The following HERC2 variants were observed in gnomAD, a reference collection of about 807,000 sequenced individuals.
The protein encoded by HERC2 is HECT and RLD domain containing E3 ubiquitin protein ligase 2.
HERC2 carries 102 observed loss-of-function variants against 537.7 expected under a neutral mutation model. That is an observed-to-expected ratio of 0.19 (90% CI 0.16 to 0.22). The LOEUF (loss-of-function observed/expected upper bound fraction) is 0.22. HERC2 is among the 10% of genes least tolerant of loss of function. HERC2 has a pLI of 1.00. For missense variants in HERC2, 4,236 were observed against 6,198.2 expected, an observed-to-expected ratio of 0.68 and a Z score of 10.63; for synonymous variants, 2,224 against 2,466.2, an observed-to-expected ratio of 0.90 and a Z score of 2.91.
intron 3 of HERC2, among the ~76,000 whole-genome samples, chr15:28,295,522 C>G (rs1269741100): frequency 6.6e-6 from 1 of 152,140 alleles, no homozygotes; most frequent in South Asian, 2.1e-4. Flanking sequence ...GCCTCAGCCC[C>G]CAAGGAGCTG....
Position 28,135,512 on chromosome 15 carries a change from C to T in HERC2, c.12196G>A (p.Ala4066Thr), listed in dbSNP as rs1358197303. Residue 4066 changes from alanine to threonine, a missense_variant, in exon 79 of 93, where the codon GCA becomes ACA. Physicochemically the swap from Ala to Thr is moderately conservative, Grantham distance 58 (BLOSUM62 0). This residue lies in a region of HERC2 where 1 missense variants were observed against 16.4 expected (regional missense o/e 0.06). Transcript: ENST00000261609. ...CCATGCCCCAACTTCCCATCTTCTG[C>T]CTCACCCCAAGAGTAAACTTCTCCT... ...SEGEVYSWGE[A>T]EDGKLGHGNR... 1.2e-6 allele frequency: 2 copies of T among 1,614,008 alleles called. No homozygotes were observed. The highest frequency in any genetic ancestry group is 2.7e-5 in the African/African-American group (2 of 74,926).
At position 28,182,524 on chromosome 15, in the gene HERC2, G is replaced by GAA. The variant is rs113328328; in HGVS notation, c.8826-14_8826-13dup. 19 of 1,379,974 alleles carry GAA rather than the reference G, an allele frequency of 1.4e-5. No individual in the cohort carries two copies. The highest frequency in any genetic ancestry group is 3.1e-5 in the African/African-American group (2 of 63,928). The allele number at this position is 1,379,974 out of a possible 1,614,324, so 85.5% of individuals were successfully genotyped here. A position where few individuals can be genotyped will look rare whatever the true frequency, so the allele number is the denominator to read the frequency against. On this transcript the variant is annotated splice_polypyrimidine_tract_variant and intron_variant, in intron 56 of 92. Transcript: ENST00000261609. Reference sequence around the variant, plus strand: ...TCTTTCTAATGAGGCTAACCAAACGGAAAAAAAAAAGAAAAAGAAAAGAGA... The same window carrying GAA: ...TCTTTCTAATGAGGCTAACCAAACGGAAAAAAAAAAAAGAAAAAGAAAAGAGA...
At chr15:28,164,926 G>T (rs1893977085) in intron 68 of HERC2, among the ~76,000 whole-genome samples, 1 of 152,176 alleles carries the variant, frequency 6.6e-6, no homozygotes, top group Non-Finnish European at 1.5e-5. Context: ...ACCATGGATG[G>T]TTATAAATAA....
intron 70 of HERC2, among the ~76,000 whole-genome samples, chr15:28,151,758 C>G (rs1396942522): frequency 6.7e-6 from 1 of 149,702 alleles, no homozygotes; most frequent in African/African-American, 2.4e-5. Context: ...GCCATGAGTT[C>G]ATAATAACAT....
At position 28,198,582 on chromosome 15, in the gene HERC2, G is replaced by C. The variant is rs746202811; in HGVS notation, c.7885+19C>G. ...GTCTCTAAGAAAAAACAAAAGCACT[G>C]AACAAAGAATGTGCTCACCTATAAG... On this transcript the variant is annotated intron_variant, in intron 49 of 92. Transcript: ENST00000261609. 4.3e-6 allele frequency: 7 copies of C among 1,610,474 alleles called. No individual in the cohort carries two copies. The highest frequency in any genetic ancestry group is 5.9e-6 in the Non-Finnish European group (7 of 1,178,058).
Position 28,116,673 on chromosome 15 carries a change from C to A in HERC2, c.13601G>T (p.Arg4534Leu), listed in dbSNP as rs1332131786. ...GCGGCCGAGAAGCTCACCCAGGAAG[C>A]GGAACATGCTGCTGTGCACGGGTGC... is the stretch of plus-strand genomic sequence containing the variant. The part of the protein sequence containing the change: ...ARAPVHSSMF[R>L]FLGVLLGIAI... The change falls in exon 88 of 93, where the codon CGC becomes CTC. Residue 4534 changes from arginine to leucine, a missense_variant. Coordinates refer to ENST00000261609, the MANE Select transcript of HERC2 (RefSeq NM_004667.6). The A allele has an allele frequency of 1.2e-6, 2 of 1,606,786 alleles. No homozygotes were observed. The highest frequency in any genetic ancestry group is 1.1e-5 in the South Asian group (1 of 90,626).
intron 65 of HERC2, among the ~76,000 whole-genome samples, chr15:28,170,365 AC>A (rs1894569249): frequency 6.6e-6 from 1 of 152,246 alleles, no homozygotes; most frequent in African/African-American, 2.4e-5. Flanking sequence ...ACAGAACCAC[AC>A]AAATATGCCT....
chr15:28,173,103 T>G (rs1212964864), intron 65 of HERC2, among the ~76,000 whole-genome samples: 1 of 152,126 alleles, frequency 6.6e-6, no homozygotes, highest in African/African-American at 2.4e-5. Context: ...GTATCAAGGG[T>G]TGACAAAAAT....
rs771209615 is a variant in HERC2, at chr15:28,144,120, G to C, written c.11256C>G (p.Arg3752=). ...CACAAGCTGCCAGCGAGGCCGCAAG[G>C]CGAGGGACGATGCTTCTGTTAGAGG... The part of the protein sequence containing the change: ...NLASNRSIVP[R]LAASLAACAQ... The change falls in exon 73 of 93, where the codon CGC becomes CGG. Residue 3752 remains arginine (R), a synonymous_variant. Transcript: ENST00000261609. The C allele has an allele frequency of 3.7e-6, 6 of 1,614,202 alleles. No individual in the cohort carries two copies. In the South Asian group the frequency reaches 6.6e-5, roughly 18 times the overall value.
intron 2 of HERC2, among the ~76,000 whole-genome samples, chr15:28,307,165 CA>C (rs2076812301): frequency 6.6e-6 from 1 of 152,166 alleles, no homozygotes; most frequent in Non-Finnish European, 1.5e-5. Flanking sequence ...CCACGTTTCC[CA>C]ATTTATTGAC....
chr15:28,229,143 C>A, intron 34 of HERC2, 52 bp downstream of exon 34: 1 of 1,483,176 alleles, frequency 6.7e-7, no homozygotes, highest in Non-Finnish European at 9.4e-7. Flanking sequence ...GTTTCCACAA[C>A]ATATAATTAA....
chr15:28,164,283 A>C (rs936328447), intron 68 of HERC2, among the ~76,000 whole-genome samples: 4 of 152,144 alleles, frequency 2.6e-5, no homozygotes, highest in African/African-American at 9.7e-5. Flanking sequence ...GGACAGCCCC[A>C]CATGTTCCCC....
At chr15:28,287,857 G>A (rs903400643) in intron 4 of HERC2, among the ~76,000 whole-genome samples, 4 of 151,540 alleles carry the variant, frequency 2.6e-5, no homozygotes, top group African/African-American at 9.7e-5. Flanking sequence ...CCGAGTAGCT[G>A]GGACTACAGG....
At chr15:28,150,636 C>T (rs1892349496) in intron 70 of HERC2, among the ~76,000 whole-genome samples, 1 of 149,032 alleles carries the variant, frequency 6.7e-6, no homozygotes, top group Non-Finnish European at 1.5e-5. Flanking sequence ...ACCAAAAAAA[C>T]ACACACGGCT....
intron 2 of HERC2, among the ~76,000 whole-genome samples, chr15:28,320,990 A>C (rs1308128299): frequency 2.0e-5 from 3 of 151,818 alleles, no homozygotes; most frequent in African/African-American, 7.3e-5. Context: ...ACTGCAACTT[A>C]CTTCTCCAAT....
Position 28,211,154 on chromosome 15 carries a change from G to A in HERC2, c.6926-9C>T, listed in dbSNP as rs1212000487. On this transcript the variant is annotated splice_polypyrimidine_tract_variant and intron_variant, in intron 43 of 92. Coordinates refer to ENST00000261609, the MANE Select transcript of HERC2 (RefSeq NM_004667.6). ...GTCCAGGTCCACTTGTCCTGCGGAA[G>A]GAAAGACTCAGTGAGAAGGGCGTGC... 2 of 1,431,474 alleles carry A rather than the reference G, an allele frequency of 1.4e-6. No individual in the cohort carries two copies. The highest frequency in any genetic ancestry group is 2.0e-6 in the Non-Finnish European group (2 of 1,016,350). 88.7% of individuals were successfully genotyped at this position (1,431,474 alleles called of 1,614,324 possible). A position where few individuals can be genotyped will look rare whatever the true frequency, so the allele number is the denominator to read the frequency against.
rs1282104982 is a variant in HERC2 at position 28,182,469 on chromosome 15, T to G, written c.8869A>C (p.Ile2957Leu). Residue 2957 changes from isoleucine (I) to leucine (L), a missense_variant, in exon 57 of 93, where the codon ATA (isoleucine) becomes CTA (leucine). Physicochemically the swap from Ile to Leu is conservative, Grantham distance 5. This residue lies in a region of HERC2 where 606 missense variants were observed against 884.5 expected (regional missense o/e 0.69). Coordinates refer to ENST00000261609, the MANE Select transcript of HERC2 (RefSeq NM_004667.6). Reference sequence around the variant, plus strand: ...CCCCACACAAACACCTTGGTTCTTATCGTAGCTGCTGATTCCAGCCCAGCA... The same window carrying G: ...CCCCACACAAACACCTTGGTTCTTAGCGTAGCTGCTGATTCCAGCCCAGCA... ...KAAGLESAAT[I>L]RTKVFVWGLN... is the part of the protein sequence containing the mutation. 6.2e-7 allele frequency: 1 copy of G among 1,613,676 alleles called. No homozygotes were observed. The highest frequency in any genetic ancestry group is 1.3e-5 in the African/African-American group (1 of 74,824).
At chr15:28,209,222 G>T (rs569279837) in intron 44 of HERC2, among the ~76,000 whole-genome samples, 35 of 152,038 alleles carry the variant, frequency 2.3e-4, no homozygotes, top group Non-Finnish European at 3.8e-4. Context: ...ATATCCATGG[G>T]TTCTGCATCC....
intron 44 of HERC2, among the ~76,000 whole-genome samples, chr15:28,210,534 G>T (rs533376895): frequency 0.01 from 1,547 of 152,168 alleles, 14 homozygotes; most frequent in Non-Finnish European, 0.017. Context: ...ATCTATGCAT[G>T]TCAAAGACCA....
Sources: allele counts gnomAD v4.1 joint callset (sites outside exome capture counted in the v4.1 genomes callset), GRCh38; gene constraint gnomAD v4.1.1; regional missense constraint gnomAD v4.1.1; transcripts MANE v1.5; gene names NCBI Gene and HGNC (gene_info 2026-07-23, HGNC 2026-07-21).